MGLL: variants seen among roughly 807,000 people sequenced by gnomAD.
MGLL encodes the protein lysophospholipase homolog.
A neutral mutation model predicts 29.1 loss-of-function variants in MGLL; 7 were observed. The ratio of observed to expected loss-of-function variants is 0.24; its 90% CI spans 0.14 to 0.45. MGLL has a LOEUF of 0.45. MGLL is among the 20% of genes least tolerant of loss of function. MGLL has a pLI of 0.99. For missense variants in MGLL, 356 were observed against 413.6 expected, an observed-to-expected ratio of 0.86 and a Z score of 1.21; for synonymous variants, 148 against 168.3, an observed-to-expected ratio of 0.88 and a Z score of 0.93.
chr3:127,749,616 C>T (rs957091919), intron 3 of MGLL, among the ~76,000 whole-genome samples: 2 of 152,168 alleles, frequency 1.3e-5, no homozygotes, highest in Admixed American at 1.3e-4. Flanking sequence ...CTCGCCAGTG[C>T]CTCTCATCCT....
chr3:127,815,862 C>T (rs1385594602), intron 2 of MGLL, among the ~76,000 whole-genome samples: 1 of 152,248 alleles, frequency 6.6e-6, no homozygotes, highest in African/African-American at 2.4e-5. Context: ...CCCACCCCTT[C>T]ATCAGATGCA....
At chr3:127,735,622 A>G in intron 3 of MGLL, 1 of 1,387,218 alleles carries the variant, frequency 7.2e-7, no homozygotes, top group Non-Finnish European at 9.7e-7. Context: ...ATGAAACACA[A>G]ATTCCAAGAT....
chr3:127,695,233 C>G, intron 6 of MGLL, 43 bp from the exon 7 acceptor site: 1 of 1,576,182 alleles, frequency 6.3e-7, no homozygotes, highest in Non-Finnish European at 8.7e-7. Context: ...GGGCAGGGCT[C>G]ACTTCCATAA....
intron 2 of MGLL, among the ~76,000 whole-genome samples, chr3:127,786,255 G>A (rs1017546397): frequency 2.0e-5 from 3 of 152,342 alleles, no homozygotes; most frequent in Non-Finnish European, 2.9e-5. Flanking sequence ...TCAAGGGGCC[G>A]ACAGGGCCCT....
At chr3:127,715,171 C>T (rs547319410) in intron 5 of MGLL, among the ~76,000 whole-genome samples, 1 of 152,268 alleles carries the variant, frequency 6.6e-6, no homozygotes, top group Admixed American at 6.5e-5. Flanking sequence ...AAAGTGGGGC[C>T]CTGGCATCAG....
intron 3 of MGLL, among the ~76,000 whole-genome samples, chr3:127,777,439 C>T (rs2077054801): frequency 6.6e-6 from 1 of 152,236 alleles, no homozygotes; most frequent in Non-Finnish European, 1.5e-5. Context: ...TCCTGCCTCC[C>T]TTGCAGCTAG....
intron 2 of MGLL, among the ~76,000 whole-genome samples, chr3:127,798,094 A>G (rs553866953): frequency 6.6e-6 from 1 of 152,366 alleles, no homozygotes; most frequent in African/African-American, 2.4e-5. Flanking sequence ...AATAATCATA[A>G]CAGGTGGAAA....
chr3:127,822,005 A>G (rs1265997394), intron 1 of MGLL, 167 bp from the exon 2 acceptor site: 1 of 769,184 alleles, frequency 1.3e-6, no homozygotes, highest in Non-Finnish European at 2.0e-6. Flanking sequence ...AAACCTCTCC[A>G]AGACTGAAAA....
At chr3:127,694,784 C>G (rs1435236430) in intron 7 of MGLL, among the ~76,000 whole-genome samples, 191 bp downstream of exon 7, 1 of 152,170 alleles carries the variant, frequency 6.6e-6, no homozygotes, top group Non-Finnish European at 1.5e-5. Flanking sequence ...CAGCAAATGA[C>G]TCGTGTTCTC....
rs149998362 is a variant in MGLL at position 127,804,143 on chromosome 3, G to A, written c.155+17551C>T. Among the ~76,000 whole-genome samples, 591 of 152,336 alleles carry A rather than the reference G, an allele frequency of 3.9e-3. 5 individuals carry two copies. The highest frequency in any genetic ancestry group is 0.014 in the African/African-American group (576 of 41,578). Reference sequence around the variant, plus strand: ...GCTATGAAAATCACAAAGGTGGCGTGTAAACAATCAAGGTTTGGGAAAAGC... The same window carrying A: ...GCTATGAAAATCACAAAGGTGGCGTATAAACAATCAAGGTTTGGGAAAAGC... On this transcript the variant is annotated intron_variant, in intron 2 of 7. Coordinates refer to ENST00000265052, the MANE Select transcript of MGLL (RefSeq NM_007283.7).
At chr3:127,718,071 G>A (rs1420714833) in intron 5 of MGLL, among the ~76,000 whole-genome samples, 1 of 151,872 alleles carries the variant, frequency 6.6e-6, no homozygotes, top group African/African-American at 2.4e-5. Context: ...ATATATCCCA[G>A]CTTGTTGAAA....
At chr3:127,767,947 A>C (rs558828636) in intron 3 of MGLL, among the ~76,000 whole-genome samples, 41 of 152,332 alleles carry the variant, frequency 2.7e-4, no homozygotes, top group Admixed American at 7.2e-4. Flanking sequence ...AAATTTCAAT[A>C]CCTTCGTTTC....
chr3:127,818,477 G>C (rs2077800236), intron 2 of MGLL, among the ~76,000 whole-genome samples: 1 of 151,892 alleles, frequency 6.6e-6, no homozygotes, highest in Admixed American at 6.6e-5. Context: ...CTGAGTTTCT[G>C]GGGCTACAGA....
intron 3 of MGLL, among the ~76,000 whole-genome samples, chr3:127,750,191 A>G (rs1576546309): frequency 6.6e-6 from 1 of 152,032 alleles, no homozygotes; most frequent in Non-Finnish European, 1.5e-5. Context: ...TGAGAAAGCT[A>G]CTTCTGTGTC....
chr3:127,735,705 C>A, intron 3 of MGLL: 1 of 1,597,418 alleles, frequency 6.3e-7, no homozygotes, highest in Non-Finnish European at 8.5e-7. Flanking sequence ...CTGAACATAC[C>A]TGGCAAAAGG....
intron 2 of MGLL, among the ~76,000 whole-genome samples, chr3:127,808,160 A>C (rs563288948): frequency 6.6e-6 from 1 of 152,064 alleles, no homozygotes; most frequent in Non-Finnish European, 1.5e-5. Flanking sequence ...CCATTTCCAG[A>C]TCTATGATGA....
chr3:127,796,753 T>A (rs1015406807), intron 2 of MGLL, among the ~76,000 whole-genome samples: 1 of 152,190 alleles, frequency 6.6e-6, no homozygotes, highest in Non-Finnish European at 1.5e-5. Context: ...AGCGTAAGGA[T>A]AATTAAATTC....
At chr3:127,742,732 A>G (rs1274486933) in intron 3 of MGLL, among the ~76,000 whole-genome samples, 1 of 152,018 alleles carries the variant, frequency 6.6e-6, no homozygotes, top group Non-Finnish European at 1.5e-5. Context: ...AGAGAGCCGT[A>G]TCACTACTAC....
chr3:127,805,084 G>A (rs78560888), intron 2 of MGLL, among the ~76,000 whole-genome samples: 2,739 of 152,312 alleles, frequency 0.018, 83 homozygotes, highest in African/African-American at 0.062. Context: ...GGAAGCAAGA[G>A]GCAGAGATAA....
Sources: allele counts gnomAD v4.1 joint callset (sites outside exome capture counted in the v4.1 genomes callset), GRCh38; gene constraint gnomAD v4.1.1; transcripts MANE v1.5; gene names NCBI Gene and HGNC (gene_info 2026-07-23, HGNC 2026-07-21).